The following AP3B1 variants were observed in gnomAD, a reference collection of about 807,000 sequenced individuals.
The protein encoded by AP3B1 is adaptor related protein complex 3 subunit beta 1, also known as AP-3 complex subunit beta-1.
AP3B1 carries 61 observed loss-of-function variants against 132.5 expected under a neutral mutation model. That is an observed-to-expected ratio of 0.46 (90% confidence interval 0.37 to 0.57). The LOEUF (loss-of-function observed/expected upper bound fraction) is 0.57. Among genes scored for constraint, AP3B1 ranks in the 20% least tolerant of loss-of-function variants. The probability of loss-of-function intolerance (pLI) is 0.00; values close to 1 mark genes in which losing one functional copy is unlikely to be tolerated. For synonymous variants in AP3B1, 388 were observed against 438.3 expected, an observed-to-expected ratio of 0.89 and a Z score of 1.43; for missense variants, 1,120 against 1,289.4, an observed-to-expected ratio of 0.87 and a Z score of 2.01.
At chr5:78,087,534 T>C (rs1454098878) in intron 22 of AP3B1, 2 of 985,178 alleles carry the variant, frequency 2.0e-6, no homozygotes, top group Non-Finnish European at 2.4e-6. Flanking sequence ...AACTTCTGGT[T>C]GTCATTCTTT....
In AP3B1 at chr5:78,115,712, A is replaced by G. The variant is rs1751796201; in HGVS notation, c.2077+414T>C. Among the ~76,000 whole-genome samples the G allele has an allele frequency of 3.9e-5, 6 of 152,176 alleles. No individual in the cohort carries two copies. The South Asian group carries it at 1.0e-3, about 26-fold the overall frequency. The stretch of plus-strand genomic sequence containing the variant: ...TCTCTATAGAGGTTCACAGAAAGAG[A>G]TAAGTATAAAATGAAAGAGAAAAAG... On this transcript the variant is annotated intron_variant, in intron 18 of 26. Transcript: ENST00000255194.
chr5:78,104,750 G>A (rs60100403), intron 20 of AP3B1, among the ~76,000 whole-genome samples: 6,566 of 152,034 alleles, frequency 0.043, 470 homozygotes, highest in African/African-American at 0.15. Context: ...CTTTTATTAA[G>A]GCAAATCTTA....
intron 5 of AP3B1, 134 bp from the exon 6 acceptor site, chr5:78,225,742 A>G: frequency 1.7e-6 from 1 of 592,948 alleles, no homozygotes; most frequent in Non-Finnish European, 3.0e-6. Context: ...AAATAAAGAA[A>G]AACAAATAAA....
chr5:78,167,356 T>C (rs1743679502), intron 11 of AP3B1, among the ~76,000 whole-genome samples: 1 of 151,936 alleles, frequency 6.6e-6, no homozygotes, highest in Admixed American at 6.6e-5. Flanking sequence ...TTAGCATGGA[T>C]GTGGTGAAAG....
At chr5:78,017,539 G>A (rs1746909985) in intron 25 of AP3B1, among the ~76,000 whole-genome samples, 1 of 152,034 alleles carries the variant, frequency 6.6e-6, no homozygotes. Flanking sequence ...TTAAGGGCCA[G>A]AAAATAGTAA....
intron 22 of AP3B1, among the ~76,000 whole-genome samples, chr5:78,049,333 G>C (rs775525029): frequency 1.6e-4 from 24 of 152,156 alleles, no homozygotes; most frequent in Non-Finnish European, 3.2e-4. Context: ...CAAACACAAA[G>C]TAACTACAAA....
intron 7 of AP3B1, among the ~76,000 whole-genome samples, chr5:78,202,536 C>T (rs927510790): frequency 1.8e-4 from 26 of 142,286 alleles, no homozygotes; most frequent in Non-Finnish European, 3.4e-4. Context: ...ATACACTAAA[C>T]ATATGCCATA....
At chr5:78,225,703 G>A in intron 5 of AP3B1, 95 bp from the exon 6 acceptor site, 17 of 744,566 alleles carry the variant, frequency 2.3e-5, no homozygotes, top group Middle Eastern at 2.8e-4. Flanking sequence ...TTTTTAAAGA[G>A]GGAAAGGAGA....
intron 7 of AP3B1, among the ~76,000 whole-genome samples, chr5:78,203,561 G>C (rs1745385423): frequency 1.3e-5 from 2 of 152,050 alleles, no homozygotes; most frequent in South Asian, 4.1e-4. Context: ...CATGTGTCTT[G>C]GTGTGCATTC....
rs2112520929 is a variant in AP3B1, at chr5:78,242,312, C to T, written c.205-1376G>A. Among the ~76,000 whole-genome samples the T allele has an allele frequency of 2.0e-5, 3 of 152,300 alleles. No homozygotes were observed. The South Asian group carries it at 6.2e-4, about 32-fold the overall frequency. On this transcript the variant is annotated intron_variant, in intron 2 of 26. Coordinates refer to ENST00000255194, the MANE Select transcript of AP3B1 (RefSeq NM_003664.5). ...ATGGCCCCAGCTTTCTAAGTTCTCC[C>T]CTTCTATCTAAAGCATCATCAAATT...
At chr5:78,290,308 AACTCCTGGGTTCAAGC>A (rs1749457718) in intron 1 of AP3B1, among the ~76,000 whole-genome samples, 1 of 152,080 alleles carries the variant, frequency 6.6e-6, no homozygotes, top group Non-Finnish European at 1.5e-5. Context: ...GCTGGTCTGG[AACTCCTGGGTTCAAGC>A]AATCCTCCTG....
intron 2 of AP3B1, among the ~76,000 whole-genome samples, chr5:78,258,861 A>ATAAAAAAC (rs1561204953): frequency 1.3e-5 from 2 of 152,236 alleles, no homozygotes; most frequent in Non-Finnish European, 2.9e-5. Flanking sequence ...CTATTCAGTC[A>ATAAAAAAC]TAAAAAACAA....
chr5:78,205,200 C>T (rs1036658442), intron 7 of AP3B1, among the ~76,000 whole-genome samples: 2 of 151,642 alleles, frequency 1.3e-5, no homozygotes, highest in South Asian at 2.1e-4. Flanking sequence ...ATAAGAAATG[C>T]AAAAATAAGG....
intron 22 of AP3B1, among the ~76,000 whole-genome samples, chr5:78,074,160 T>C (rs1437722887): frequency 1.3e-5 from 2 of 152,150 alleles, no homozygotes; most frequent in Non-Finnish European, 2.9e-5. Context: ...TAAAAATTAA[T>C]AACAATCTCT....
chr5:78,081,516 C>G (rs1750004788), intron 22 of AP3B1, among the ~76,000 whole-genome samples: 1 of 151,880 alleles, frequency 6.6e-6, no homozygotes. Context: ...TCACCATGGT[C>G]TCGATCTCCT....
intron 24 of AP3B1, among the ~76,000 whole-genome samples, chr5:78,021,506 C>T (rs1747097891): frequency 1.3e-5 from 2 of 152,062 alleles, no homozygotes; most frequent in South Asian, 4.1e-4. Context: ...CTAAAATTGT[C>T]TAAAAAATTT....
In AP3B1 at chr5:78,024,967, G is replaced by A. The variant is rs369233834; in HGVS notation, c.2895-4178C>T. Among the ~76,000 whole-genome samples the A allele has an allele frequency of 2.4e-4, 36 of 151,294 alleles. 4 individuals carry two copies. The highest frequency in any genetic ancestry group is 1.2e-3 in the East Asian group (6 of 5,148). On this transcript the variant is annotated intron_variant, in intron 24 of 26. Coordinates refer to ENST00000255194, the MANE Select transcript of AP3B1 (RefSeq NM_003664.5). ...TCCTGCCTTGGCCTCCCAAAGTTGT[G>A]GGATTATAGGCATGAGCCACTGTGC...
chr5:78,135,580 A>T (rs1219377084), intron 15 of AP3B1, among the ~76,000 whole-genome samples: 1 of 152,142 alleles, frequency 6.6e-6, no homozygotes. Context: ...GCAAATGTGA[A>T]TATCAACTTA....
In AP3B1 at chr5:78,259,842, C is replaced by T. The variant is rs62364491; in HGVS notation, c.204+7678G>A. Among the ~76,000 whole-genome samples the T allele has an allele frequency of 2.3e-3, 344 of 151,892 alleles. 1 individual carries two copies. The highest frequency in any genetic ancestry group is 3.3e-3 in the Non-Finnish European group (223 of 67,916). On this transcript the variant is annotated intron_variant, in intron 2 of 26. Coordinates refer to ENST00000255194, the MANE Select transcript of AP3B1 (RefSeq NM_003664.5). ...TAAATTGGCTGGGTGTGGTGGTGGG[C>T]GCCTGTAATCCCAGCTATTCAGGAG...
Sources: allele counts gnomAD v4.1 joint callset (sites outside exome capture counted in the v4.1 genomes callset), GRCh38; gene constraint gnomAD v4.1.1; transcripts MANE v1.5; gene names NCBI Gene and HGNC (gene_info 2026-07-23, HGNC 2026-07-21).